DAB1: variants seen among roughly 807,000 people sequenced by gnomAD.
The protein encoded by DAB1 is disabled homolog 1.
A neutral mutation model predicts 64.6 loss-of-function variants in DAB1; 15 were observed. The ratio of observed to expected loss-of-function variants is 0.23; its 90% CI spans 0.16 to 0.36. The LOEUF is 0.36. Among genes scored for constraint, DAB1 ranks in the 10% least tolerant of loss-of-function variants. DAB1 has a pLI of 1.00. For missense variants in DAB1, 596 were observed against 706.7 expected (o/e 0.84, Z 1.78); for synonymous variants, 235 against 251.9 (o/e 0.93, Z 0.64).
At chr1:58,509,831 C>T (rs1243350091) in intron 2 of DAB1, among the ~76,000 whole-genome samples, 1 of 151,656 alleles carries the variant, frequency 6.6e-6, no homozygotes, top group Non-Finnish European at 1.5e-5. Flanking sequence ...GTAACTGATA[C>T]CATACAAAGG....
intron 2 of DAB1, among the ~76,000 whole-genome samples, chr1:57,191,055 G>A (rs1664077389): frequency 6.6e-6 from 1 of 152,168 alleles, no homozygotes; most frequent in Admixed American, 6.5e-5. Flanking sequence ...ATTCATGACA[G>A]CATAAAGTGA....
chr1:57,423,572 C>G (rs1193717585), intron 1 of DAB1, among the ~76,000 whole-genome samples: 1 of 151,726 alleles, frequency 6.6e-6, no homozygotes, highest in African/African-American at 2.4e-5. Context: ...TAGCCAGGAC[C>G]GCAGGAGGAA....
chr1:57,019,625 G>A lies in DAB1; in HGVS notation c.895+3906C>T, dbSNP rs571547152. Among the ~76,000 whole-genome samples, 33 of 152,332 alleles carry A rather than the reference G, an allele frequency of 2.2e-4. 1 individual carries two copies. In the South Asian group the frequency reaches 4.3e-3, roughly 20 times the overall value. On this transcript the variant is annotated intron_variant, in intron 11 of 14. Transcript: ENST00000371236. ...GTCTTGTGCATGAGCGAAGGGACAC[G>A]TCAGCAGCAGGACAGTGGTGGCACT...
intron 9 of DAB1, among the ~76,000 whole-genome samples, chr1:57,062,107 G>A (rs570784865): frequency 5.3e-5 from 8 of 152,166 alleles, no homozygotes; most frequent in Admixed American, 2.6e-4. Context: ...TATGAGTTCC[G>A]GGCACTTCAG....
rs1653892332 is a variant in DAB1 at position 57,859,162 on chromosome 1, C to G, written n.87+24837G>C. Among the ~76,000 whole-genome samples, 3 of 152,120 alleles carry G rather than the reference C, an allele frequency of 2.0e-5. No homozygotes were observed. In the South Asian group the frequency reaches 6.2e-4, roughly 32 times the overall value. ...TCAGCTGGGGCTACAAAACCTAAACCTATTTCCTAACCTAGACCCCAAATT... is the reference window on the plus strand; with the variant it reads ...TCAGCTGGGGCTACAAAACCTAAACGTATTTCCTAACCTAGACCCCAAATT... On this transcript the variant is annotated intron_variant and non_coding_transcript_variant, in intron 1 of 1. Transcript: ENST00000477280.
intron 1 of DAB1, chr1:57,873,871 A>G (rs1402545461): frequency 6.6e-6 from 1 of 152,184 alleles, no homozygotes; most frequent in Non-Finnish European, 1.5e-5. Context: ...TATTAATACT[A>G]TTATTGCTGG....
chr1:58,027,298 C>T (rs1646908588), intron 5 of DAB1, among the ~76,000 whole-genome samples: 1 of 152,170 alleles, frequency 6.6e-6, no homozygotes, highest in Admixed American at 6.5e-5. Context: ...AAACTCCTGG[C>T]TTCAAGGGAT....
At chr1:57,162,688 G>A (rs1660864786) in intron 2 of DAB1, among the ~76,000 whole-genome samples, 1 of 152,154 alleles carries the variant, frequency 6.6e-6, no homozygotes, top group Admixed American at 6.5e-5. Flanking sequence ...TTGTAAAGGA[G>A]ATTATTTTGG....
At chr1:57,283,746 C>T (rs1219692228) in intron 2 of DAB1, among the ~76,000 whole-genome samples, 2 of 152,140 alleles carry the variant, frequency 1.3e-5, no homozygotes, top group Non-Finnish European at 2.9e-5. Flanking sequence ...TGAGGTGAAT[C>T]CTAAGAACAT....
At chr1:57,438,385 T>C (rs929043971) in intron 7 of DAB1, among the ~76,000 whole-genome samples, 1 of 152,152 alleles carries the variant, frequency 6.6e-6, no homozygotes, top group Admixed American at 6.5e-5. Context: ...ACTCACAAGA[T>C]AGTGGTTTGT....
chr1:57,002,150 C>A (rs1055235063), intron 14 of DAB1, among the ~76,000 whole-genome samples: 2 of 152,138 alleles, frequency 1.3e-5, no homozygotes, highest in African/African-American at 4.8e-5. Flanking sequence ...TAGATGGAAA[C>A]CATATGGTAA....
chr1:57,551,296 G>A (rs1159000791), intron 7 of DAB1, among the ~76,000 whole-genome samples: 2 of 152,172 alleles, frequency 1.3e-5, no homozygotes, highest in Admixed American at 1.3e-4. Context: ...TTAAATAGAT[G>A]TCTATAAGTA....
intron 7 of DAB1, among the ~76,000 whole-genome samples, chr1:57,515,753 A>G (rs1430576018): frequency 6.6e-6 from 1 of 152,238 alleles, no homozygotes; most frequent in East Asian, 1.9e-4. Flanking sequence ...TCTTGTGCCA[A>G]GCCTTGAGCC....
intron 3 of DAB1, among the ~76,000 whole-genome samples, chr1:58,354,978 T>C (rs145911747): frequency 3.9e-5 from 6 of 152,330 alleles, no homozygotes; most frequent in African/African-American, 1.4e-4. Context: ...CAAATTTACC[T>C]GGACGAGGTC....
intron 2 of DAB1, among the ~76,000 whole-genome samples, chr1:57,226,672 A>AAAAATATATATATATATAT (rs747021990): frequency 5.1e-5 from 7 of 136,010 alleles, no homozygotes; most frequent in South Asian, 2.2e-4. Flanking sequence ...TTAAAAAAAA[A>AAAAATATATATATATATAT]ATATATATAT....
At chr1:58,404,203 T>C (rs192559885) in intron 3 of DAB1, among the ~76,000 whole-genome samples, 11 of 152,326 alleles carry the variant, frequency 7.2e-5, no homozygotes, top group Admixed American at 7.2e-4. Context: ...AATGCAGGCA[T>C]GGAACCTAAG....
chr1:57,056,122 C>T (rs1056482963), intron 9 of DAB1, among the ~76,000 whole-genome samples: 25 of 151,976 alleles, frequency 1.6e-4, no homozygotes, highest in African/African-American at 5.8e-4. Flanking sequence ...AATGGTAAAG[C>T]TGGGAGTCAA....
chr1:57,518,253 T>C lies in DAB1; in HGVS notation n.625+131339A>G, dbSNP rs187936020. 1.9e-3 allele frequency among the ~76,000 whole-genome samples: 292 copies of C among 152,288 alleles called. 1 individual carries two copies. The highest frequency in any genetic ancestry group is 3.2e-3 in the Non-Finnish European group (218 of 68,020). Reference sequence around the variant, plus strand: ...ACTGATTCTCAATGATCTCACATCATTCGATTACCTTATTGGTCTTGTTTT... The same window carrying C: ...ACTGATTCTCAATGATCTCACATCACTCGATTACCTTATTGGTCTTGTTTT... On this transcript the variant is annotated intron_variant and non_coding_transcript_variant, in intron 7 of 20. Transcript: ENST00000485760.
At chr1:58,472,137 C>G (rs1645366366) in intron 3 of DAB1, among the ~76,000 whole-genome samples, 1 of 152,166 alleles carries the variant, frequency 6.6e-6, no homozygotes, top group Non-Finnish European at 1.5e-5. Context: ...CTTAGGACTT[C>G]TGTTCACCTT....
Sources: gnomAD v4.1 joint callset for allele counts (sites outside exome capture counted in the v4.1 genomes callset) on GRCh38, gnomAD v4.1.1 for gene constraint, MANE v1.5 for transcripts, NCBI Gene and HGNC (gene_info 2026-07-23, HGNC 2026-07-21) for gene names.